The following CYP4X1 variants were observed in gnomAD, a reference collection of about 807,000 sequenced individuals.
CYP4X1 encodes cytochrome P450 family 4 subfamily X member 1, also known as cytochrome P450 4X1.
In CYP4X1, 44 loss-of-function variants were observed where a neutral mutation model predicts 57.9. That is an observed-to-expected ratio of 0.76 (90% CI 0.60 to 0.98). The LOEUF is 0.98. CYP4X1 is among the 50% of genes least tolerant of loss of function. CYP4X1 has a pLI of 0.00. For missense variants in CYP4X1, 532 were observed against 623.9 expected (o/e 0.85, Z 1.57); for synonymous variants, 227 against 228.6 (o/e 0.99, Z 0.06).
intron 9 of CYP4X1, among the ~76,000 whole-genome samples, chr1:47,048,331 C>A (rs1226433536): frequency 6.6e-6 from 1 of 152,176 alleles, no homozygotes; most frequent in Non-Finnish European, 1.5e-5. Context: ...TGATATGACA[C>A]CAACAGCTAC....
the CYP4X1 span, among the ~76,000 whole-genome samples, chr1:47,007,574 G>A: frequency 1.1e-4 from 17 of 152,322 alleles, no homozygotes; most frequent in South Asian, 2.1e-4. Context: ...AAAGCTGGAC[G>A]GAGAATGACT....
At chr1:47,051,957 C>T (rs1342053894), downstream of CYP4X1, among the ~76,000 whole-genome samples, 1 of 151,990 alleles carries the variant, frequency 6.6e-6, no homozygotes, top group African/African-American at 2.4e-5. Flanking sequence ...GTACTGAATA[C>T]AATATTCAGG....
At chr1:46,992,508 T>C in the CYP4X1 span, among the ~76,000 whole-genome samples, 2 of 152,240 alleles carry the variant, frequency 1.3e-5, no homozygotes, top group African/African-American at 4.8e-5. Context: ...TTACAGTATT[T>C]GTCTTTTTAT....
the CYP4X1 span, among the ~76,000 whole-genome samples, chr1:46,987,370 C>A: frequency 1.3e-5 from 2 of 152,014 alleles, no homozygotes; most frequent in Non-Finnish European, 2.9e-5. Flanking sequence ...ACAGGAGCAC[C>A]CAGATTCATA....
rs755069894 is a variant in CYP4X1 at position 47,035,938 on chromosome 1, G to C, written c.620+5G>C. The stretch of plus-strand genomic sequence containing the variant: ...GACCAACTGCCAGACAAACAGGTCA[G>C]TGGTGGGAGAGCAAAAAAGATATTT... On this transcript the variant is annotated splice_donor_5th_base_variant and intron_variant, in intron 5 of 11. Transcript: ENST00000371901. 4.3e-6 allele frequency: 7 copies of C among 1,613,272 alleles called. No homozygotes were observed. In the East Asian group the frequency reaches 1.6e-4, roughly 36 times the overall value.
intron 8 of CYP4X1, among the ~76,000 whole-genome samples, chr1:47,046,238 T>G (rs1299411506): frequency 6.6e-6 from 1 of 152,202 alleles, no homozygotes; most frequent in East Asian, 1.9e-4. Flanking sequence ...TTACTGCTAG[T>G]TTAGCAGCTC....
chr1:46,967,331 G>A, the CYP4X1 span, among the ~76,000 whole-genome samples: 1 of 152,190 alleles, frequency 6.6e-6, no homozygotes, highest in African/African-American at 2.4e-5. Flanking sequence ...TTAAGGCACT[G>A]ACGTTGTGGT....
chr1:46,988,586 G>T, the CYP4X1 span, among the ~76,000 whole-genome samples: 1 of 152,166 alleles, frequency 6.6e-6, no homozygotes, highest in South Asian at 2.1e-4. Flanking sequence ...AACAAAAAAA[G>T]AAAATTTCAG....
At chr1:46,986,781 G>A in the CYP4X1 span, among the ~76,000 whole-genome samples, 1 of 152,046 alleles carries the variant, frequency 6.6e-6, no homozygotes, top group East Asian at 1.9e-4. Flanking sequence ...ACCAAGCTAA[G>A]CTTCATAAGT....
At chr1:46,973,947 T>C in the CYP4X1 span, among the ~76,000 whole-genome samples, 5 of 152,098 alleles carry the variant, frequency 3.3e-5, no homozygotes, top group African/African-American at 7.2e-5. Flanking sequence ...TTTGTTATTA[T>C]TTTTTTCTGC....
At chr1:47,013,929 C>A in the CYP4X1 span, among the ~76,000 whole-genome samples, 1 of 151,838 alleles carries the variant, frequency 6.6e-6, no homozygotes, top group Admixed American at 6.6e-5. Context: ...TATCCACCAC[C>A]ATGTCTGGCT....
At chr1:47,035,964 C>G in intron 5 of CYP4X1, 31 bp downstream of exon 5, 1 of 1,611,774 alleles carries the variant, frequency 6.2e-7, no homozygotes, top group Non-Finnish European at 8.5e-7. Flanking sequence ...AAAGATATTT[C>G]TTCACATTTT....
the CYP4X1 span, among the ~76,000 whole-genome samples, chr1:46,995,429 G>C: frequency 6.6e-6 from 1 of 152,146 alleles, no homozygotes; most frequent in African/African-American, 2.4e-5. Context: ...ACCGGGTAGA[G>C]AGTCCTAGGT....
downstream of CYP4X1, among the ~76,000 whole-genome samples, chr1:47,053,266 C>T (rs1315904457): frequency 6.6e-6 from 1 of 152,178 alleles, no homozygotes; most frequent in African/African-American, 2.4e-5. Flanking sequence ...TTTATGGCTG[C>T]ATAGTATTCC....
chr1:47,054,933 C>T (rs1200225592), downstream of CYP4X1, among the ~76,000 whole-genome samples: 1 of 152,146 alleles, frequency 6.6e-6, no homozygotes, highest in Non-Finnish European at 1.5e-5. Flanking sequence ...CCGGATTGCC[C>T]TGGCCAGAAC....
the CYP4X1 span, among the ~76,000 whole-genome samples, chr1:46,995,837 C>T: frequency 6.6e-6 from 1 of 152,250 alleles, no homozygotes. Flanking sequence ...ACGTACACCC[C>T]ATTTCAGCTG....
At chr1:47,049,335 A>G in intron 10 of CYP4X1, 87 bp from the exon 11 acceptor site, 1 of 959,650 alleles carries the variant, frequency 1.0e-6, no homozygotes, top group Non-Finnish European at 1.7e-6. Flanking sequence ...ATCACATTAT[A>G]TTTCTATTGA....
chr1:47,045,521 A>T (rs1335203104), intron 8 of CYP4X1, among the ~76,000 whole-genome samples: 4 of 152,084 alleles, frequency 2.6e-5, no homozygotes, highest in Non-Finnish European at 4.4e-5. Flanking sequence ...ATACTTATCC[A>T]CTTGAGCTCT....
At chr1:46,973,702 G>A in the CYP4X1 span, among the ~76,000 whole-genome samples, 1 of 152,096 alleles carries the variant, frequency 6.6e-6, no homozygotes, top group Non-Finnish European at 1.5e-5. Context: ...AGGTTTTCTA[G>A]TTTGTGTGCA....
Sources: gnomAD v4.1 joint callset for allele counts (sites outside exome capture counted in the v4.1 genomes callset) on GRCh38, gnomAD v4.1.1 for gene constraint, MANE v1.5 for transcripts, NCBI Gene and HGNC (gene_info 2026-07-23, HGNC 2026-07-21) for gene names.